Variants in TNRC18 observed in about 807,000 individuals in gnomAD.
The protein encoded by TNRC18 is trinucleotide repeat-containing gene 18 protein.
A neutral mutation model predicts 226.7 loss-of-function variants in TNRC18; 69 were observed. The observed-to-expected ratio is 0.30, with a 90% CI of 0.25 to 0.37. TNRC18 has a LOEUF of 0.37. TNRC18 is among the 10% of genes least tolerant of loss of function. The pLI is 1.00. For synonymous variants in TNRC18, 2,449 were observed against 1,927.6 expected (o/e 1.27, Z -7.09); for missense variants, 4,754 against 4,256.6 (o/e 1.12, Z -3.25).
At chr7:5,396,096 C>T (rs1249903297) in intron 2 of TNRC18, among the ~76,000 whole-genome samples, 3 of 103,304 alleles carry the variant, frequency 2.9e-5, no homozygotes, top group South Asian at 3.5e-4. Flanking sequence ...ACTTGAAGCC[C>T]GGAGGCGGAG....
rs1190896467 is a variant in TNRC18, at chr7:5,324,519, G to A, written c.6301-164C>T. On this transcript the variant is annotated intron_variant, in intron 20 of 29. Coordinates refer to ENST00000430969, the MANE Select transcript of TNRC18 (RefSeq NM_001080495.3). This position sits in a 1 kb window ranked among gnomAD's most constrained non-coding sequence, Gnocchi z 4.8. Reference sequence around the variant, plus strand: ...GGGGCACCCCAGAGGCCAGGGGGAAGGTGAAATGGGCCCAAAACCCAGCTG... The same window carrying A: ...GGGGCACCCCAGAGGCCAGGGGGAAAGTGAAATGGGCCCAAAACCCAGCTG... Among the ~76,000 whole-genome samples the A allele has an allele frequency of 6.6e-6, 1 of 152,188 alleles. No homozygotes were observed. The highest frequency in any genetic ancestry group is 6.5e-5 in the Admixed American group (1 of 15,278).
chr7:5,360,561 A>G (rs570894632), intron 14 of TNRC18, among the ~76,000 whole-genome samples: 29 of 152,246 alleles, frequency 1.9e-4, no homozygotes, highest in Non-Finnish European at 3.2e-4. Flanking sequence ...ATGAGAAAAC[A>G]GGCTCGGAAA....
In TNRC18 at chr7:5,377,319, C is replaced by T. The variant is rs894272869; in HGVS notation, c.2461+52G>A. On this transcript the variant is annotated intron_variant, in intron 7 of 29. Transcript: ENST00000430969. This position sits in a 1 kb window ranked among gnomAD's most constrained non-coding sequence, Gnocchi z 5.8. ...CCTGAGCTCTTGTCCTGCACCCGCC[C>T]CCTCCCACCCCTCCCTCAGAGAAGG... 38 of 1,016,270 alleles carry T rather than the reference C, an allele frequency of 3.7e-5. 2 individuals are homozygous for T. The highest frequency in any genetic ancestry group is 5.3e-5 in the Non-Finnish European group (37 of 694,404). The allele number at this position is 1,016,270 out of a possible 1,614,324, so 63.0% of individuals were successfully genotyped here.
intron 22 of TNRC18, 81 bp from the exon 23 acceptor site, chr7:5,320,688 T>G: frequency 1.7e-6 from 2 of 1,209,350 alleles, no homozygotes; most frequent in Non-Finnish European, 2.4e-6. Context: ...CAGCACTGCC[T>G]CCTAGACCAC....
chr7:5,325,573 G>A (rs1000976922), intron 19 of TNRC18: 25 of 298,526 alleles, frequency 8.4e-5, no homozygotes, highest in Middle Eastern at 1.1e-3. Context: ...ACAGGCACCC[G>A]CCACCACACC....
chr7:5,373,524 G>C (rs1008329446), intron 10 of TNRC18, among the ~76,000 whole-genome samples: 1 of 152,150 alleles, frequency 6.6e-6, no homozygotes, highest in Non-Finnish European at 1.5e-5. Flanking sequence ...CCCAGCCTTG[G>C]TGCCAGAATC....
chr7:5,329,841 G>C (rs1343551070), intron 19 of TNRC18: 2 of 460,766 alleles, frequency 4.3e-6, no homozygotes, highest in African/African-American at 4.0e-5. Flanking sequence ...CCTTTCCCAA[G>C]AGTTCCTTCT....
At chr7:5,383,115 T>C (rs148535496) in intron 5 of TNRC18, among the ~76,000 whole-genome samples, 2 of 152,290 alleles carry the variant, frequency 1.3e-5, no homozygotes, top group African/African-American at 4.8e-5. Context: ...TTGCCTAGGC[T>C]AGTCTCCCAA....
intron 2 of TNRC18, among the ~76,000 whole-genome samples, chr7:5,408,224 G>A (rs980786328): frequency 5.3e-5 from 8 of 151,226 alleles, no homozygotes; most frequent in African/African-American, 1.9e-4. Context: ...TCTTGAACCC[G>A]GGAAGCGGAG....
Position 5,388,536 on chromosome 7 carries a change from T to G in TNRC18, c.1288A>C (p.Asn430His). 1 of 1,316,732 alleles carries G rather than the reference T, an allele frequency of 7.6e-7. No individual in the cohort carries two copies. Among genetic ancestry groups the G allele is most frequent in the Non-Finnish European group, 9.6e-7 (1 of 1,037,198 alleles). The allele number at this position is 1,316,732 out of a possible 1,614,324, so 81.6% of individuals were successfully genotyped here. A position where few individuals can be genotyped will look rare whatever the true frequency, so the allele number is the denominator to read the frequency against. The change falls in exon 5 of 30, where the codon AAC becomes CAC. Residue 430 changes from asparagine to histidine, a missense_variant. Asn to His is a moderately conservative substitution (Grantham distance 68, BLOSUM62 1). Coordinates refer to ENST00000430969, the MANE Select transcript of TNRC18 (RefSeq NM_001080495.3). Reference sequence around the variant, plus strand: ...CGCTTGAGCGAGCGGATGACCGAGTTCTTCTCGCGCAGGCCCTCGGGCCGG... The same window carrying G: ...CGCTTGAGCGAGCGGATGACCGAGTGCTTCTCGCGCAGGCCCTCGGGCCGG... ...LDRPEGLREK[N>H]SVIRSLKRPP...
At chr7:5,386,079 G>C (rs934265811) in intron 5 of TNRC18, among the ~76,000 whole-genome samples, 1 of 151,664 alleles carries the variant, frequency 6.6e-6, no homozygotes, top group Admixed American at 6.6e-5. Flanking sequence ...TTGAGGTCAG[G>C]AGTTTGAGAC....
At chr7:5,364,533 G>A (rs1444813161) in intron 11 of TNRC18, among the ~76,000 whole-genome samples, 1 of 149,028 alleles carries the variant, frequency 6.7e-6, no homozygotes, top group Non-Finnish European at 1.5e-5. Flanking sequence ...GCTGGGCACG[G>A]TGGCTCATGC....
At chr7:5,359,699 G>T in intron 14 of TNRC18, 130 bp from the exon 15 acceptor site, 2 of 919,936 alleles carry the variant, frequency 2.2e-6, no homozygotes, top group Non-Finnish European at 3.4e-6. Flanking sequence ...AGTGACGGGC[G>T]TGGGGAGATG....
intron 5 of TNRC18, among the ~76,000 whole-genome samples, chr7:5,379,845 C>G (rs1779276296): frequency 6.6e-6 from 1 of 152,222 alleles, no homozygotes; most frequent in Admixed American, 6.5e-5. Flanking sequence ...GGCCGGCCTT[C>G]CCAGGGCTTC....
chr7:5,403,786 T>C (rs1781274687), intron 2 of TNRC18, among the ~76,000 whole-genome samples: 1 of 150,470 alleles, frequency 6.6e-6, no homozygotes, highest in African/African-American at 2.5e-5. Context: ...TGAGACCCTG[T>C]CTGTTTAAAA....
Position 5,377,859 on chromosome 7 carries a change from G to T in TNRC18, c.2255+63C>A. 1 of 1,523,246 alleles carries T rather than the reference G, an allele frequency of 6.6e-7. No homozygotes were observed. 94.4% of individuals were successfully genotyped at this position (1,523,246 alleles called of 1,614,324 possible). On this transcript the variant is annotated intron_variant, in intron 6 of 29. Coordinates refer to ENST00000430969, the MANE Select transcript of TNRC18 (RefSeq NM_001080495.3). The surrounding 1 kb of genome is among the most constrained non-coding windows in gnomAD (Gnocchi z 5.8). ...CAAGCCCACCTGGGGTCATCCAGCT[G>T]CCCCTCACCCCCAGGGGCTCCTAGA...
In TNRC18 at chr7:5,317,388, G is replaced by A. The variant is rs573656735; in HGVS notation, c.6746-1316C>T. The stretch of plus-strand genomic sequence containing the variant: ...GCAGATCACCTGAGGTCACGAGTTC[G>A]AGGCCAGTCAGGCCAACATGGTGAA... On this transcript the variant is annotated intron_variant, in intron 24 of 29. Coordinates refer to ENST00000430969, the MANE Select transcript of TNRC18 (RefSeq NM_001080495.3). Among the ~76,000 whole-genome samples the A allele has an allele frequency of 5.9e-5, 9 of 152,214 alleles. No homozygotes were observed. The Middle Eastern group carries it at 0.014, about 230-fold the overall frequency.
At position 5,376,059 on chromosome 7, in the gene TNRC18, T is replaced by C; in HGVS notation, c.2774A>G (p.Glu925Gly). The C allele has an allele frequency of 6.3e-7, 1 of 1,597,026 alleles. No individual in the cohort carries two copies. Among genetic ancestry groups the C allele is most frequent in the South Asian group, 1.1e-5 (1 of 88,110 alleles). The change falls in exon 9 of 30, where the codon GAA (glutamate) becomes GGA (glycine). Residue 925 changes from glutamate (E) to glycine (G), a missense_variant. Glu to Gly is a moderately conservative substitution (Grantham distance 98, BLOSUM62 -2). Transcript: ENST00000430969. The stretch of plus-strand genomic sequence containing the variant: ...CACGAGCTGGGCGCTCCTCTGCAGT[T>C]CCAAGGCCTGGGCCGCCTGCTGCTG... ...YLQQQAAQAL[E>G]LQRSAQLVQE... is the part of the protein sequence containing the mutation.
intron 18 of TNRC18, among the ~76,000 whole-genome samples, chr7:5,338,502 T>C (rs1182000975): frequency 6.6e-6 from 1 of 151,728 alleles, no homozygotes. Context: ...TCCCAGCACT[T>C]TGGGAGGCCA....
Sources: allele counts gnomAD v4.1 joint callset (sites outside exome capture counted in the v4.1 genomes callset), GRCh38; gene constraint gnomAD v4.1.1; non-coding constraint Gnocchi (gnomAD v3.1); transcripts MANE v1.5; gene names NCBI Gene and HGNC (gene_info 2026-07-23, HGNC 2026-07-21).